The following IL1RAPL1 variants were observed in gnomAD, a reference collection of about 807,000 sequenced individuals.
IL1RAPL1 encodes interleukin-1 receptor accessory protein-like 1.
In IL1RAPL1, 3 loss-of-function variants were observed where a neutral mutation model predicts 48.4. The observed-to-expected ratio is 0.06, with a 90% CI of 0.03 to 0.16. IL1RAPL1 has a LOEUF of 0.16. Among genes scored for constraint, IL1RAPL1 ranks in the 10% least tolerant of loss-of-function variants. The probability of loss-of-function intolerance (pLI) is 1.00; values close to 1 mark genes in which losing one functional copy is unlikely to be tolerated. For synonymous variants in IL1RAPL1, 185 were observed against 187.7 expected, an observed-to-expected ratio of 0.99 and a Z score of 0.12; for missense variants, 349 against 530.6, an observed-to-expected ratio of 0.66 and a Z score of 3.36.
intron 1 of IL1RAPL1, among the ~76,000 whole-genome samples, chrX:28,628,298 G>A (rs1486400745): frequency 8.9e-6 from 1 of 112,197 alleles, no homozygotes; most frequent in Admixed American, 9.5e-5. Context: ...ACAGATGTAA[G>A]GGCAGGGGAA....
At chrX:29,250,020 T>G (rs1156388571) in intron 2 of IL1RAPL1, among the ~76,000 whole-genome samples, 2 of 111,990 alleles carry the variant, frequency 1.8e-5, no homozygotes, top group Non-Finnish European at 3.8e-5. Context: ...TCTCTTTACT[T>G]GAAGTGTTAA....
intron 8 of IL1RAPL1, among the ~76,000 whole-genome samples, chrX:29,931,136 G>A (rs1415814483): frequency 9.1e-6 from 1 of 109,975 alleles, no homozygotes; most frequent in South Asian, 3.9e-4. Context: ...CCCAAAACAT[G>A]CTCATTTTTT....
At chrX:28,896,530 G>A (rs1393272103) in intron 2 of IL1RAPL1, among the ~76,000 whole-genome samples, 1 of 111,188 alleles carries the variant, frequency 9.0e-6, no homozygotes, top group Admixed American at 9.6e-5. Context: ...CTTTTTAAGA[G>A]GAAATTGCTG....
At chrX:29,649,086 G>A (rs1925432529) in intron 5 of IL1RAPL1, among the ~76,000 whole-genome samples, 1 of 111,432 alleles carries the variant, frequency 9.0e-6, no homozygotes, top group African/African-American at 3.3e-5. Flanking sequence ...AACCTGAACA[G>A]ACCAATAACA....
chrX:29,641,032 A>G (rs1486156837), intron 5 of IL1RAPL1, among the ~76,000 whole-genome samples: 1 of 111,481 alleles, frequency 9.0e-6, no homozygotes, highest in Non-Finnish European at 1.9e-5. Flanking sequence ...TTAGCTAGGC[A>G]TGGTGGTACG....
chrX:29,349,047 A>G (rs576636411), intron 3 of IL1RAPL1, among the ~76,000 whole-genome samples: 15 of 112,650 alleles, frequency 1.3e-4, no homozygotes, highest in East Asian at 2.8e-4. Context: ...TTTAACTTGT[A>G]TATACGGGAG....
At chrX:28,836,689 TAAGA>T (rs1921226974) in intron 2 of IL1RAPL1, among the ~76,000 whole-genome samples, 1 of 110,231 alleles carries the variant, frequency 9.1e-6, no homozygotes, top group Non-Finnish European at 1.9e-5. Context: ...GAAGGAAACT[TAAGA>T]AAGTTTCCTA....
At chrX:29,802,036 A>G (rs1469556899) in intron 6 of IL1RAPL1, among the ~76,000 whole-genome samples, 1 of 112,311 alleles carries the variant, frequency 8.9e-6, no homozygotes, top group Non-Finnish European at 1.9e-5. Context: ...CACGAGTAAT[A>G]TTTGGGAACT....
At chrX:28,604,980 C>T (rs1004691814) in intron 1 of IL1RAPL1, among the ~76,000 whole-genome samples, 3 of 111,260 alleles carry the variant, frequency 2.7e-5, no homozygotes, top group Non-Finnish European at 3.8e-5. Flanking sequence ...GTGGGCAACA[C>T]TTACACAATG....
intron 2 of IL1RAPL1, among the ~76,000 whole-genome samples, chrX:29,085,096 C>T (rs1405395496): frequency 1.8e-5 from 2 of 111,338 alleles, no homozygotes; most frequent in East Asian, 2.8e-4. Flanking sequence ...TAGTGGTGAT[C>T]CAATAGAATT....
intron 1 of IL1RAPL1, among the ~76,000 whole-genome samples, chrX:28,712,729 A>T (rs6630734): frequency 0.063 from 6,963 of 110,892 alleles, 435 homozygotes; most frequent in East Asian, 0.32. Context: ...AAGTTATTTA[A>T]TAGGAACAAT....
intron 2 of IL1RAPL1, among the ~76,000 whole-genome samples, chrX:29,107,179 G>A (rs765640800): frequency 6.9e-4 from 77 of 111,711 alleles, no homozygotes; most frequent in Non-Finnish European, 1.2e-3. Context: ...AAATACTTAC[G>A]AAGAAGTTAG....
chrX:29,557,894 T>C (rs1336543916), intron 5 of IL1RAPL1, among the ~76,000 whole-genome samples: 1 of 111,329 alleles, frequency 9.0e-6, no homozygotes, highest in Non-Finnish European at 1.9e-5. Context: ...ATTGTGTGTG[T>C]GCATGTGTGT....
intron 2 of IL1RAPL1, among the ~76,000 whole-genome samples, chrX:28,852,878 T>C (rs1031502654): frequency 1.8e-5 from 1 of 55,381 alleles, no homozygotes; most frequent in Non-Finnish European, 4.1e-5. Context: ...TGTGCTTTCC[T>C]TTTTTTTTTT....
At chrX:28,925,970 A>C (rs1257133343) in intron 2 of IL1RAPL1, among the ~76,000 whole-genome samples, 1 of 112,218 alleles carries the variant, frequency 8.9e-6, no homozygotes, top group Non-Finnish European at 1.9e-5. Flanking sequence ...AGATATTTAG[A>C]CATTCTATTA....
At chrX:29,728,168 C>T (rs1340361392) in intron 6 of IL1RAPL1, among the ~76,000 whole-genome samples, 1 of 111,347 alleles carries the variant, frequency 9.0e-6, no homozygotes, top group East Asian at 2.8e-4. Context: ...GATCTCCTGA[C>T]CTCATGATCC....
chrX:29,202,337 T>C (rs1416844073), intron 2 of IL1RAPL1, among the ~76,000 whole-genome samples: 7 of 111,869 alleles, frequency 6.3e-5, no homozygotes, highest in Non-Finnish European at 1.1e-4. Context: ...TCAGAATGGC[T>C]ATTATCAAAA....
chrX:29,445,639 T>C (rs1045965980), intron 5 of IL1RAPL1, among the ~76,000 whole-genome samples: 5 of 112,279 alleles, frequency 4.5e-5, no homozygotes, highest in African/African-American at 6.5e-5. Context: ...AGAGAAAACC[T>C]ACAAGGAAGT....
At chrX:29,020,659 A>G (rs1300137260) in intron 2 of IL1RAPL1, among the ~76,000 whole-genome samples, 1 of 111,940 alleles carries the variant, frequency 8.9e-6, no homozygotes, top group Admixed American at 9.5e-5. Context: ...TGACTAGGAA[A>G]GTAGGAGGAG....
Sources: allele counts gnomAD v4.1 joint callset (sites outside exome capture counted in the v4.1 genomes callset), GRCh38; gene constraint gnomAD v4.1.1; transcripts MANE v1.5; gene names NCBI Gene and HGNC (gene_info 2026-07-23, HGNC 2026-07-21).